The following KHDRBS2 variants were observed in gnomAD, a reference collection of about 807,000 sequenced individuals.
KHDRBS2 encodes KH RNA binding domain containing, signal transduction associated 2, also known as KH domain-containing, RNA-binding, signal transduction-associated protein 2.
A neutral mutation model predicts 44.3 loss-of-function variants in KHDRBS2; 26 were observed. That is an observed-to-expected ratio of 0.59 (90% CI 0.43 to 0.81). The LOEUF is 0.81. Ranked by LOEUF, KHDRBS2 falls within the 40% of genes least tolerant of loss-of-function variation. The pLI, the probability that KHDRBS2 is intolerant of heterozygous loss-of-function variation, is 0.00. For synonymous variants in KHDRBS2, 194 were observed against 151.1 expected (o/e 1.28, Z -2.08); for missense variants, 476 against 433.1 (o/e 1.10, Z -0.88).
intron 8 of KHDRBS2, among the ~76,000 whole-genome samples, chr6:61,696,512 C>A (rs1349288956): frequency 3.3e-5 from 5 of 152,002 alleles, no homozygotes; most frequent in African/African-American, 1.2e-4. Context: ...CCGCCTCAGC[C>A]TCCCAAAGTG....
rs116431587 is a variant in KHDRBS2 at position 61,926,967 on chromosome 6, C to T, written c.484-25596G>A. Among the ~76,000 whole-genome samples, 465 of 151,870 alleles carry T rather than the reference C, an allele frequency of 3.1e-3. 1 individual carries two copies. Among genetic ancestry groups the T allele is most frequent in the Non-Finnish European group, 4.9e-3 (331 of 67,938 alleles). ...AAGATTTCAAATAAATCTCTAGCAT[C>T]CTGATGTTATTCACCACTTCCATTA... On this transcript the variant is annotated intron_variant, in intron 4 of 8. Coordinates refer to ENST00000281156, the MANE Select transcript of KHDRBS2 (RefSeq NM_152688.4).
At chr6:62,211,234 A>G (rs897151827) in intron 1 of KHDRBS2, among the ~76,000 whole-genome samples, 8 of 152,004 alleles carry the variant, frequency 5.3e-5, no homozygotes, top group East Asian at 1.9e-4. Context: ...AGGATATTAT[A>G]TAAATAAAAT....
intron 2 of KHDRBS2, among the ~76,000 whole-genome samples, chr6:62,099,347 C>A (rs1801340200): frequency 6.6e-6 from 1 of 152,182 alleles, no homozygotes; most frequent in African/African-American, 2.4e-5. Flanking sequence ...CACAGTTTCA[C>A]CTCTAAATAG....
chr6:61,610,955 A>G, the KHDRBS2 span, among the ~76,000 whole-genome samples: 2 of 152,224 alleles, frequency 1.3e-5, no homozygotes, highest in African/African-American at 4.8e-5. Context: ...GGGATTTAAT[A>G]CTGAAGAAGG....
At chr6:61,778,219 C>A (rs1472227444) in intron 6 of KHDRBS2, among the ~76,000 whole-genome samples, 1 of 152,152 alleles carries the variant, frequency 6.6e-6, no homozygotes, top group Non-Finnish European at 1.5e-5. Context: ...CTCCAAGAGT[C>A]ATGAGGATTC....
intron 2 of KHDRBS2, among the ~76,000 whole-genome samples, chr6:62,098,953 T>C (rs1459273729): frequency 6.6e-6 from 1 of 152,202 alleles, no homozygotes; most frequent in Non-Finnish European, 1.5e-5. Context: ...TAGTTCATTG[T>C]GTTTTTCACC....
At chr6:61,556,830 A>C in the KHDRBS2 span, among the ~76,000 whole-genome samples, 1 of 151,068 alleles carries the variant, frequency 6.6e-6, no homozygotes, top group Admixed American at 6.6e-5. Flanking sequence ...AAAATTAATA[A>C]TAGTTACTGA....
intron 2 of KHDRBS2, among the ~76,000 whole-genome samples, chr6:62,144,453 CAACA>C (rs912951966): frequency 6.6e-6 from 1 of 151,672 alleles, no homozygotes; most frequent in African/African-American, 2.4e-5. Flanking sequence ...TTTTTTTCCT[CAACA>C]AACATTGACA....
intron 4 of KHDRBS2, among the ~76,000 whole-genome samples, chr6:61,959,129 T>C (rs1467963032): frequency 6.6e-6 from 1 of 152,206 alleles, no homozygotes; most frequent in African/African-American, 2.4e-5. Flanking sequence ...TCCAGCCCAG[T>C]TTCTCTGCCT....
intron 2 of KHDRBS2, among the ~76,000 whole-genome samples, chr6:62,130,036 T>A (rs942839563): frequency 1.3e-5 from 2 of 152,206 alleles, no homozygotes; most frequent in African/African-American, 4.8e-5. Flanking sequence ...GATAATTTTT[T>A]AAAAACTAGC....
intron 6 of KHDRBS2, among the ~76,000 whole-genome samples, chr6:61,758,115 C>G (rs1374550591): frequency 6.6e-6 from 1 of 152,058 alleles, no homozygotes; most frequent in African/African-American, 2.4e-5. Flanking sequence ...GGAAGTTTCC[C>G]AAGCTTTACC....
At chr6:61,884,491 G>A (rs1321485506) in intron 6 of KHDRBS2, among the ~76,000 whole-genome samples, 2 of 152,004 alleles carry the variant, frequency 1.3e-5, no homozygotes, top group South Asian at 2.1e-4. Context: ...ACTGGAAACT[G>A]TTTTGTCTAC....
intron 4 of KHDRBS2, among the ~76,000 whole-genome samples, chr6:61,975,557 T>C (rs1249438357): frequency 2.0e-5 from 3 of 151,986 alleles, no homozygotes; most frequent in South Asian, 2.1e-4. Context: ...ATGACTTTCA[T>C]TGATGGGAAA....
At chr6:61,843,830 A>T (rs1489792280) in intron 6 of KHDRBS2, among the ~76,000 whole-genome samples, 4 of 152,168 alleles carry the variant, frequency 2.6e-5, no homozygotes, top group Non-Finnish European at 5.9e-5. Context: ...TTTATCAAAC[A>T]GCCCAAGATT....
the KHDRBS2 span, among the ~76,000 whole-genome samples, chr6:61,573,485 G>T: frequency 3.3e-5 from 5 of 152,022 alleles, no homozygotes; most frequent in African/African-American, 1.2e-4. Flanking sequence ...ACTTAAAATT[G>T]ATATGGAACC....
the KHDRBS2 span, among the ~76,000 whole-genome samples, chr6:61,618,840 T>C: frequency 6.6e-6 from 1 of 152,228 alleles, no homozygotes; most frequent in African/African-American, 2.4e-5. Flanking sequence ...GGGCATCTGC[T>C]GATATCTATA....
chr6:61,561,646 G>A, the KHDRBS2 span, among the ~76,000 whole-genome samples: 1 of 152,150 alleles, frequency 6.6e-6, no homozygotes, highest in Non-Finnish European at 1.5e-5. Flanking sequence ...ACACATGAGA[G>A]TATTGCCATG....
intron 3 of KHDRBS2, among the ~76,000 whole-genome samples, chr6:61,990,288 G>A (rs1775881050): frequency 6.6e-6 from 1 of 152,164 alleles, no homozygotes; most frequent in Admixed American, 6.5e-5. Context: ...CAAAGATGAT[G>A]AAGGAAACAT....
At chr6:62,072,532 TGA>T (rs1318849617) in intron 2 of KHDRBS2, among the ~76,000 whole-genome samples, 1 of 152,202 alleles carries the variant, frequency 6.6e-6, no homozygotes, top group African/African-American at 2.4e-5. Context: ...CCTAATTTAT[TGA>T]GAGTTTTTAT....
Sources: gnomAD v4.1 joint callset for allele counts (sites outside exome capture counted in the v4.1 genomes callset) on GRCh38, gnomAD v4.1.1 for gene constraint, MANE v1.5 for transcripts, NCBI Gene and HGNC (gene_info 2026-07-23, HGNC 2026-07-21) for gene names.